ADA: variants seen among roughly 807,000 people sequenced by gnomAD.
ADA encodes the protein adenosine aminohydrolase.
Under a neutral mutation model 49.0 loss-of-function variants are expected in ADA, and 45 were observed. The ratio of observed to expected loss-of-function variants is 0.92; its 90% CI spans 0.72 to 1.18. The LOEUF is 1.18. ADA is among the 50% of genes most tolerant of loss of function. The probability of loss-of-function intolerance (pLI) is 0.00; values close to 1 mark genes in which losing one functional copy is unlikely to be tolerated. For synonymous variants in ADA, 173 were observed against 184.2 expected (o/e 0.94, Z 0.49); for missense variants, 445 against 472.5 (o/e 0.94, Z 0.54).
intron 1 of ADA, among the ~76,000 whole-genome samples, chr20:44,638,439 T>C (rs1297903061): frequency 1.3e-5 from 2 of 152,010 alleles, no homozygotes; most frequent in African/African-American, 4.8e-5. Context: ...TAGCCAGGCG[T>C]GGTGGCGCAC....
At chr20:44,635,235 T>G (rs1195715442) in intron 2 of ADA, among the ~76,000 whole-genome samples, 2 of 152,100 alleles carry the variant, frequency 1.3e-5, no homozygotes, top group African/African-American at 4.8e-5. Context: ...TCTGGCCCCC[T>G]AGCATCTCTG....
chr20:44,630,357 GAAAA>G (rs957157795), intron 2 of ADA, among the ~76,000 whole-genome samples: 7 of 137,340 alleles, frequency 5.1e-5, no homozygotes, highest in Non-Finnish European at 9.6e-5. Flanking sequence ...AAAAAAAAAA[GAAAA>G]AAAAAAGAAA....
chr20:44,645,641 T>A (rs2065584053), intron 1 of ADA, among the ~76,000 whole-genome samples: 1 of 152,138 alleles, frequency 6.6e-6, no homozygotes, highest in Non-Finnish European at 1.5e-5. Context: ...AGTAGGACCA[T>A]TACCAACCAT....
At chr20:44,625,482 G>T in intron 5 of ADA, 87 bp downstream of exon 5, 1 of 1,199,812 alleles carries the variant, frequency 8.3e-7, no homozygotes, top group Non-Finnish European at 1.2e-6. Context: ...GGGCACAGGG[G>T]AGATCAGGTA....
intron 1 of ADA, among the ~76,000 whole-genome samples, chr20:44,649,972 T>G (rs779215301): frequency 6.6e-6 from 1 of 152,064 alleles, no homozygotes; most frequent in Non-Finnish European, 1.5e-5. Context: ...CCTGGCCTCA[T>G]GATCCACCCA....
At position 44,621,123 on chromosome 20, in the gene ADA, G is replaced by C; in HGVS notation, c.870C>G (p.Tyr290Ter). Residue 290 changes from tyrosine to a stop codon, truncating the protein, a stop_gained, in exon 10 of 12, where the codon TAC becomes TAG. Coordinates refer to ENST00000372874, the MANE Select transcript of ADA (RefSeq NM_000022.4). LOFTEE classifies it high-confidence loss of function. ...TGAGCGGGTCATCTGTGTTGAGCGA[G>C]TAGTTAGCCTGGTCATTTTTGAGCC... Reference protein sequence around the residue: ...VIRLKNDQANYSLNTDDPLIF... With the variant: ...VIRLKNDQAN The C allele has an allele frequency of 6.2e-7, 1 of 1,614,206 alleles. No homozygotes were observed. Among genetic ancestry groups the C allele is most frequent in the South Asian group, 1.1e-5 (1 of 91,082 alleles).
chr20:44,621,123 G>A lies in ADA; in HGVS notation c.870C>T (p.Tyr290=), dbSNP rs2065327638. The A allele has an allele frequency of 5.0e-6, 8 of 1,614,206 alleles. No homozygotes were observed. Among genetic ancestry groups the A allele is most frequent in the Non-Finnish European group, 6.8e-6 (8 of 1,180,034 alleles). The change falls in exon 10 of 12, where the codon TAC becomes TAT. Residue 290 remains tyrosine, a synonymous_variant. Coordinates refer to ENST00000372874, the MANE Select transcript of ADA (RefSeq NM_000022.4). ...VIRLKNDQAN[Y]SLNTDDPLIF... ...TGAGCGGGTCATCTGTGTTGAGCGA[G>A]TAGTTAGCCTGGTCATTTTTGAGCC...
intron 1 of ADA, among the ~76,000 whole-genome samples, chr20:44,639,981 G>A (rs1023865514): frequency 6.6e-6 from 1 of 152,012 alleles, no homozygotes; most frequent in Admixed American, 6.6e-5. Flanking sequence ...AGGTGGGAGG[G>A]TGTGTGGTAT....
intron 1 of ADA, among the ~76,000 whole-genome samples, chr20:44,649,661 C>A (rs1378019605): frequency 6.7e-6 from 1 of 150,018 alleles, no homozygotes; most frequent in East Asian, 1.9e-4. Flanking sequence ...TGGGTGTCTG[C>A]AACAAGTGCT....
At chr20:44,633,022 C>G (rs1057298116) in intron 2 of ADA, among the ~76,000 whole-genome samples, 3 of 152,228 alleles carry the variant, frequency 2.0e-5, no homozygotes, top group Non-Finnish European at 2.9e-5. Flanking sequence ...ACTCCCTGGT[C>G]AGCCACAGCT....
chr20:44,637,094 C>T (rs866085755), intron 1 of ADA, among the ~76,000 whole-genome samples: 12 of 152,180 alleles, frequency 7.9e-5, no homozygotes, highest in Middle Eastern at 3.4e-3. Context: ...TATGTGCCAC[C>T]GCAACCGACC....
At chr20:44,623,141 G>C in intron 6 of ADA, 63 bp from the exon 7 acceptor site, 1 of 1,608,474 alleles carries the variant, frequency 6.2e-7, no homozygotes, top group Non-Finnish European at 8.5e-7. Context: ...GCCCTGCCTT[G>C]ACCATGCTGT....
At chr20:44,620,164 G>T in intron 11 of ADA, 135 bp downstream of exon 11, 1 of 863,264 alleles carries the variant, frequency 1.2e-6, no homozygotes, top group East Asian at 2.4e-5. Context: ...TCCCAGCCAG[G>T]GCCCAGAAAC....
At position 44,636,311 on chromosome 20, in the gene ADA, G is replaced by C. The variant is rs746675140; in HGVS notation, c.34-23C>G. ...CACCTGCAAGGGGGCAGGGGGAAGA[G>C]AGAGAGAAAGGGAGAGAGAGAACAA... On this transcript the variant is annotated intron_variant, in intron 1 of 11. Transcript: ENST00000372874. The C allele has an allele frequency of 8.3e-6, 13 of 1,570,726 alleles. No individual in the cohort carries two copies. The East Asian group carries it at 1.4e-4, about 16-fold the overall frequency.
Position 44,626,550 on chromosome 20 carries a change from T to C in ADA, c.268A>G (p.Lys90Glu). 6.2e-7 allele frequency: 1 copy of C among 1,614,178 alleles called. No homozygotes were observed. Among genetic ancestry groups the C allele is most frequent in the South Asian group, 1.1e-5 (1 of 91,080 alleles). The change falls in exon 4 of 12, where the codon AAG (lysine) becomes GAG (glutamate). Residue 90 changes from lysine to glutamate, a missense_variant. Coordinates refer to ENST00000372874, the MANE Select transcript of ADA (RefSeq NM_000022.4). The part of the protein sequence containing the change: ...KRIAYEFVEM[K>E]AKEGVVYVEV... ...ACATACACCACGCCCTCTTTGGCCTTCATCTCTACAAACTCATAGGCGATC... is the reference window on the plus strand; with the variant it reads ...ACATACACCACGCCCTCTTTGGCCTCCATCTCTACAAACTCATAGGCGATC...
chr20:44,620,497 G>T, intron 10 of ADA, 96 bp from the exon 11 acceptor site: 2 of 1,031,962 alleles, frequency 1.9e-6, no homozygotes, highest in Non-Finnish European at 3.0e-6. Flanking sequence ...ACTCAACATG[G>T]GCAGATACGC....
intron 3 of ADA, among the ~76,000 whole-genome samples, chr20:44,628,527 A>C (rs774221992): frequency 6.5e-5 from 6 of 92,716 alleles, no homozygotes; most frequent in Non-Finnish European, 1.0e-4. Context: ...CTCTGTCTCA[A>C]TAAATAAATA....
chr20:44,645,027 C>T (rs527636329), intron 1 of ADA, among the ~76,000 whole-genome samples: 5 of 152,268 alleles, frequency 3.3e-5, no homozygotes, highest in East Asian at 1.9e-4. Flanking sequence ...ACTCTAAACC[C>T]GGAGGTCTAG....
At chr20:44,624,023 G>C in intron 6 of ADA, 179 bp downstream of exon 6, 1 of 851,436 alleles carries the variant, frequency 1.2e-6, no homozygotes, top group Non-Finnish European at 1.8e-6. Context: ...TGGGATCACA[G>C]GCATGAACCA....
Sources: allele counts gnomAD v4.1 joint callset (sites outside exome capture counted in the v4.1 genomes callset), GRCh38; gene constraint gnomAD v4.1.1; transcripts MANE v1.5; gene names NCBI Gene and HGNC (gene_info 2026-07-23, HGNC 2026-07-21).